CTXN2: variants seen among roughly 807,000 people sequenced by gnomAD.
The protein encoded by CTXN2 is cortexin-2.
CTXN2 carries 3 observed loss-of-function variants against 5.7 expected under a neutral mutation model. The ratio of observed to expected loss-of-function variants is 0.53; its 90% CI spans 0.24 to 1.36. The LOEUF (loss-of-function observed/expected upper bound fraction) is 1.36. Among genes scored for constraint, CTXN2 ranks in the 40% most tolerant of loss-of-function variants. The pLI, the probability that CTXN2 is intolerant of heterozygous loss-of-function variation, is 0.17. For missense variants in CTXN2, 87 were observed against 93.0 expected (o/e 0.94, Z 0.26); for synonymous variants, 38 against 36.4 (o/e 1.04, Z -0.16).
At chr15:48,186,165 G>A (rs2040752136) in intron 1 of CTXN2, among the ~76,000 whole-genome samples, 1 of 152,102 alleles carries the variant, frequency 6.6e-6, no homozygotes. Context: ...ATAGTGGAGG[G>A]CTTAAAGTAC....
chr15:48,196,138 A>G (rs2040877161), intron 1 of CTXN2, among the ~76,000 whole-genome samples: 1 of 152,090 alleles, frequency 6.6e-6, no homozygotes. Context: ...CCACCACCTC[A>G]TATCTTTGGC....
At chr15:48,195,838 A>G (rs2040874336) in intron 1 of CTXN2, among the ~76,000 whole-genome samples, 1 of 152,102 alleles carries the variant, frequency 6.6e-6, no homozygotes, top group African/African-American at 2.4e-5. Flanking sequence ...TACACAGTAG[A>G]TTTTAAATAC....
intron 1 of CTXN2, among the ~76,000 whole-genome samples, chr15:48,197,298 T>C (rs60287809): frequency 0.097 from 14,797 of 152,072 alleles, 1,976 homozygotes; most frequent in East Asian, 0.4. Context: ...ATTGTCTCCT[T>C]AGGGAAGCCT....
chr15:48,198,146 A>C (rs1567295104), intron 1 of CTXN2, among the ~76,000 whole-genome samples: 2 of 152,166 alleles, frequency 1.3e-5, no homozygotes, highest in African/African-American at 4.8e-5. Flanking sequence ...TTGAATACTA[A>C]AAATGATGTA....
intron 1 of CTXN2, among the ~76,000 whole-genome samples, chr15:48,183,329 A>T (rs2040717110): frequency 6.6e-6 from 1 of 152,218 alleles, no homozygotes; most frequent in Admixed American, 6.5e-5. Context: ...ACAAACTGAG[A>T]GATCTCAAAC....
At position 48,201,386 on chromosome 15, in the gene CTXN2, C is replaced by G. The variant is rs1331083007; in HGVS notation, c.86C>G (p.Thr29Ser). Residue 29 changes from threonine to serine, a missense_variant, in exon 2 of 2, where the codon ACT becomes AGT. Physicochemically the swap from Thr to Ser is moderately conservative, Grantham distance 58. Transcript: ENST00000417307. ...SAFSLTLEQKTGFAFVGILCI... is the reference protein window; with the variant it reads ...SAFSLTLEQKSGFAFVGILCI... ...TTCTCATTGACTCTGGAGCAAAAAA[C>G]TGGCTTTGCTTTTGTTGGGATTTTG... is the stretch of plus-strand genomic sequence containing the variant. The G allele has an allele frequency of 1.3e-6, 2 of 1,551,386 alleles. No individual in the cohort carries two copies. The highest frequency in any genetic ancestry group is 1.7e-6 in the Non-Finnish European group (2 of 1,146,750).
chr15:48,187,620 G>C (rs1051882659), upstream of CTXN2, among the ~76,000 whole-genome samples: 11 of 152,162 alleles, frequency 7.2e-5, no homozygotes, highest in African/African-American at 2.4e-4. Context: ...AGCCAAGATG[G>C]CAAGAATTTA....
chr15:48,199,208 A>T (rs182329754), intron 1 of CTXN2, among the ~76,000 whole-genome samples: 47 of 152,282 alleles, frequency 3.1e-4, no homozygotes, highest in African/African-American at 1.1e-3. Context: ...ATAATCAATG[A>T]TTGAGTATGG....
In CTXN2 at chr15:48,201,406, AT is replaced by A. The variant is rs1567296139; in HGVS notation, c.110del (p.Leu37CysfsTer17). 6.4e-7 allele frequency: 1 copy of A among 1,551,346 alleles called. No individual in the cohort carries two copies. Among genetic ancestry groups the A allele is most frequent in the Non-Finnish European group, 8.7e-7 (1 of 1,146,748 alleles). ...EQKTGFAFVG[I>X]LCIFLGLLII... The stretch of plus-strand genomic sequence containing the variant: ...AAAAACTGGCTTTGCTTTTGTTGGG[AT>A]TTTGTGTATCTTCTTGGGACTTCTT... On this transcript the variant is annotated frameshift_variant, in exon 2 of 2. Transcript: ENST00000417307. LOFTEE classifies it high-confidence loss of function.
Position 48,201,220 on chromosome 15 carries a change from A to T in CTXN2, c.-57-24A>T, listed in dbSNP as rs548388099. 3.4e-6 allele frequency: 5 copies of T among 1,470,000 alleles called. No individual in the cohort carries two copies. The South Asian group carries it at 6.4e-5, about 19-fold the overall frequency. The allele number at this position is 1,470,000 out of a possible 1,614,324, so 91.1% of individuals were successfully genotyped here. On this transcript the variant is annotated intron_variant, in intron 1 of 1. Coordinates refer to ENST00000417307, the MANE Select transcript of CTXN2 (RefSeq NM_001145668.2). ...CCAATACCATACAAGGGTAAAACTA[A>T]ACTGAGTCCAATTTTGTACCTAGGC... is the stretch of plus-strand genomic sequence containing the variant.
intron 1 of CTXN2, among the ~76,000 whole-genome samples, chr15:48,198,291 A>C (rs2040897910): frequency 6.6e-6 from 1 of 152,080 alleles, no homozygotes; most frequent in African/African-American, 2.4e-5. Context: ...ATTTTAACTA[A>C]ATGTATTTGC....
At chr15:48,187,414 A>G (rs1231404146), upstream of CTXN2, among the ~76,000 whole-genome samples, 1 of 131,914 alleles carries the variant, frequency 7.6e-6, no homozygotes, top group African/African-American at 3.6e-5. Flanking sequence ...ATGCTACCCA[A>G]TGTTTGAATC....
chr15:48,187,903 G>T (rs1176268703), upstream of CTXN2, among the ~76,000 whole-genome samples: 1 of 152,062 alleles, frequency 6.6e-6, no homozygotes, highest in African/African-American at 2.4e-5. Context: ...AAATTAAGCT[G>T]ATCTATAATT....
chr15:48,201,533 A>G lies in CTXN2; in HGVS notation c.233A>G (p.Tyr78Cys). 1 of 1,551,126 alleles carries G rather than the reference A, an allele frequency of 6.4e-7. No homozygotes were observed. Among genetic ancestry groups the G allele is most frequent in the South Asian group, 1.2e-5 (1 of 84,048 alleles). ...VEEFDKGTFE[Y>C]ALA ...GAGTTTGATAAAGGGACATTTGAATATGCACTCGCGTGAGAGTTCCAGCTA... is the reference window on the plus strand; with the variant it reads ...GAGTTTGATAAAGGGACATTTGAATGTGCACTCGCGTGAGAGTTCCAGCTA... Residue 78 changes from tyrosine to cysteine, a missense_variant, in exon 2 of 2, where the codon TAT becomes TGT. By Grantham distance (194) the Tyr-to-Cys change is radical (BLOSUM62 -2). Coordinates refer to ENST00000417307, the MANE Select transcript of CTXN2 (RefSeq NM_001145668.2).
At position 48,202,031 on chromosome 15, in the gene CTXN2, A is replaced by G. The variant is rs1442544085; in HGVS notation, c.*485A>G. On this transcript the variant is annotated 3_prime_UTR_variant, in exon 2 of 2. Transcript: ENST00000417307. The stretch of plus-strand genomic sequence containing the variant: ...AGGCCCAAAAGGTTCACAGGTGAAA[A>G]AATATCTCAAAAATCTAACACCCAA... 5.8e-6 allele frequency: 1 copy of G among 172,168 alleles called. No homozygotes were observed. Among genetic ancestry groups the G allele is most frequent in the Non-Finnish European group, 1.4e-5 (1 of 71,148 alleles). 10.7% of individuals were successfully genotyped at this position (172,168 alleles called of 1,614,324 possible).
chr15:48,192,911 A>G (rs937761241), intron 1 of CTXN2, among the ~76,000 whole-genome samples: 2 of 152,160 alleles, frequency 1.3e-5, no homozygotes, highest in African/African-American at 4.8e-5. Flanking sequence ...TTTTATCTGA[A>G]AGGTATATTT....
At position 48,201,662 on chromosome 15, in the gene CTXN2, A is replaced by T; in HGVS notation, c.*116A>T. On this transcript the variant is annotated 3_prime_UTR_variant, in exon 2 of 2. Transcript: ENST00000417307. Reference sequence around the variant, plus strand: ...ATTTTGTTCAGTGAATTCAATAAACATCTGTGACTAATTTCTTCACCATGC... The same window carrying T: ...ATTTTGTTCAGTGAATTCAATAAACTTCTGTGACTAATTTCTTCACCATGC... 3.1e-6 allele frequency: 3 copies of T among 954,182 alleles called. No individual in the cohort carries two copies. The highest frequency in any genetic ancestry group is 3.1e-6 in the Non-Finnish European group (2 of 640,596). 59.1% of individuals were successfully genotyped at this position (954,182 alleles called of 1,614,324 possible).
chr15:48,197,917 A>G (rs2040894610), intron 1 of CTXN2, among the ~76,000 whole-genome samples: 1 of 152,090 alleles, frequency 6.6e-6, no homozygotes, highest in Admixed American at 6.6e-5. Flanking sequence ...TTCTTAGTTA[A>G]GGGTAACAGT....
chr15:48,196,260 G>T (rs1038695727), intron 1 of CTXN2, among the ~76,000 whole-genome samples: 1 of 151,962 alleles, frequency 6.6e-6, no homozygotes, highest in Admixed American at 6.6e-5. Flanking sequence ...TTAAACAAAG[G>T]GCTTTAGAAG....
Sources: allele counts gnomAD v4.1 joint callset (sites outside exome capture counted in the v4.1 genomes callset), GRCh38; gene constraint gnomAD v4.1.1; transcripts MANE v1.5; gene names NCBI Gene and HGNC (gene_info 2026-07-23, HGNC 2026-07-21).